The following TMEM178B variants were observed in gnomAD, a reference collection of about 807,000 sequenced individuals.
The protein encoded by TMEM178B is transmembrane protein 178B.
Under a neutral mutation model 31.0 loss-of-function variants are expected in TMEM178B, and 5 were observed. That is an observed-to-expected ratio of 0.16 (90% CI 0.08 to 0.34). TMEM178B has a LOEUF of 0.34. Ranked by LOEUF, TMEM178B falls within the 10% of genes least tolerant of loss-of-function variation. The probability of loss-of-function intolerance (pLI) is 1.00; values close to 1 mark genes in which losing one functional copy is unlikely to be tolerated. For synonymous variants in TMEM178B, 164 were observed against 164.0 expected, an observed-to-expected ratio of 1.00 and a Z score of 0.00; for missense variants, 275 against 400.3, an observed-to-expected ratio of 0.69 and a Z score of 2.67.
chr7:141,171,118 C>T lies in TMEM178B; in HGVS notation c.383-41473C>T, dbSNP rs1469295819. On this transcript the variant is annotated intron_variant, in intron 1 of 3. Coordinates refer to ENST00000565468, the MANE Select transcript of TMEM178B (RefSeq NM_001195278.2). This position sits in a 1 kb window ranked among gnomAD's most constrained non-coding sequence, Gnocchi z 4.3. ...GAAGTGTAACTCTTCACTTTTGAAT[C>T]TTCTAGTCTACTCTTAGCTCTTCAG... is the stretch of plus-strand genomic sequence containing the variant. 6.6e-6 allele frequency among the ~76,000 whole-genome samples: 1 copy of T among 151,762 alleles called. No homozygotes were observed. The highest frequency in any genetic ancestry group is 1.5e-5 in the Non-Finnish European group (1 of 67,978).
chr7:141,477,330 G>A lies in TMEM178B; in HGVS notation c.*6544G>A, dbSNP rs1802391010. 6.5e-6 allele frequency: 1 copy of A among 154,600 alleles called. No homozygotes were observed. The allele number at this position is 154,600 out of a possible 1,614,324, so 9.6% of individuals were successfully genotyped here. On this transcript the variant is annotated 3_prime_UTR_variant, in exon 4 of 4. Transcript: ENST00000565468. ...ATTGAGATTAAACAAATGCAATGAT[G>A]TAGCCCTTAGTTTTCTGAGGACTTC... is the stretch of plus-strand genomic sequence containing the variant.
chr7:141,382,504 T>C (rs2116589448), intron 2 of TMEM178B, among the ~76,000 whole-genome samples: 1 of 152,364 alleles, frequency 6.6e-6, no homozygotes, highest in Admixed American at 6.5e-5. Context: ...TCATAAATTA[T>C]GTTTTCTAAT....
At chr7:141,279,822 C>T (rs555157131) in intron 2 of TMEM178B, among the ~76,000 whole-genome samples, 51 of 152,344 alleles carry the variant, frequency 3.3e-4, no homozygotes, top group Admixed American at 1.6e-3. Context: ...CTGTAGCCAT[C>T]GGTGGATTCC....
intron 2 of TMEM178B, among the ~76,000 whole-genome samples, chr7:141,413,794 A>G (rs1410480352): frequency 6.6e-6 from 1 of 152,180 alleles, no homozygotes; most frequent in East Asian, 1.9e-4. Context: ...TTGTTCTTAA[A>G]TAATGTTTTA....
chr7:141,396,127 G>T (rs1800633211), intron 2 of TMEM178B, among the ~76,000 whole-genome samples: 2 of 152,090 alleles, frequency 1.3e-5, no homozygotes, highest in African/African-American at 4.8e-5. Context: ...GGGGAGGTGG[G>T]GAGCCAGGCA....
intron 2 of TMEM178B, among the ~76,000 whole-genome samples, chr7:141,230,326 C>T (rs766597131): frequency 6.6e-6 from 1 of 152,150 alleles, no homozygotes; most frequent in Non-Finnish European, 1.5e-5. Flanking sequence ...TATAGCCCTA[C>T]CAAATTTTAC....
At chr7:141,220,546 T>C (rs1202462228) in intron 2 of TMEM178B, among the ~76,000 whole-genome samples, 1 of 150,940 alleles carries the variant, frequency 6.6e-6, no homozygotes, top group Non-Finnish European at 1.5e-5. Flanking sequence ...AGGCCTGGAG[T>C]AGGGGTGGGA....
chr7:141,367,523 C>T (rs938721673), intron 2 of TMEM178B, among the ~76,000 whole-genome samples: 1 of 152,158 alleles, frequency 6.6e-6, no homozygotes, highest in African/African-American at 2.4e-5. Context: ...GATCTGCCTG[C>T]CTTGGCCTCC....
intron 1 of TMEM178B, among the ~76,000 whole-genome samples, chr7:141,145,970 A>G (rs1338863542): frequency 2.0e-5 from 3 of 152,206 alleles, no homozygotes; most frequent in Non-Finnish European, 4.4e-5. Context: ...GCTGAAGGGT[A>G]ACTATTTGTT....
intron 1 of TMEM178B, among the ~76,000 whole-genome samples, chr7:141,121,911 T>C (rs1415172276): frequency 6.6e-6 from 1 of 152,182 alleles, no homozygotes; most frequent in Admixed American, 6.5e-5. Flanking sequence ...ACCTGTTCTC[T>C]TCCTTCCAAA....
intron 1 of TMEM178B, among the ~76,000 whole-genome samples, chr7:141,093,592 A>AT (rs1794912697): frequency 6.6e-6 from 1 of 152,206 alleles, no homozygotes; most frequent in Admixed American, 6.5e-5. Flanking sequence ...AGAGGGATTG[A>AT]TTGTAAACTT....
At chr7:141,438,207 C>T (rs576491506) in intron 3 of TMEM178B, among the ~76,000 whole-genome samples, 2 of 152,084 alleles carry the variant, frequency 1.3e-5, no homozygotes, top group South Asian at 2.1e-4. Flanking sequence ...AAGCTGCCCC[C>T]CTTTCAAGTA....
chr7:141,411,178 G>T (rs1800982328), intron 2 of TMEM178B, among the ~76,000 whole-genome samples: 1 of 151,588 alleles, frequency 6.6e-6, no homozygotes, highest in African/African-American at 2.4e-5. Context: ...AAATTAGAAT[G>T]GTGTTCATGA....
chr7:141,126,853 C>G (rs937310119), intron 1 of TMEM178B, among the ~76,000 whole-genome samples: 3 of 141,964 alleles, frequency 2.1e-5, no homozygotes, highest in African/African-American at 8.4e-5. Context: ...GGTATCTTCT[C>G]AAAGTGTGTG....
At chr7:141,109,368 G>A (rs1444689576) in intron 1 of TMEM178B, among the ~76,000 whole-genome samples, 1 of 152,090 alleles carries the variant, frequency 6.6e-6, no homozygotes, top group East Asian at 1.9e-4. Flanking sequence ...GAATATTAGA[G>A]AGAGTAAGCT....
Position 141,136,675 on chromosome 7 carries a change from AAAAAC to A in TMEM178B, c.382+61998_382+62002del, listed in dbSNP as rs750209669. Among the ~76,000 whole-genome samples, 146 of 152,272 alleles carry A rather than the reference AAAAAC, an allele frequency of 9.6e-4. 4 individuals are homozygous for A. The highest frequency in any genetic ancestry group is 9.4e-4 in the African/African-American group (39 of 41,568). On this transcript the variant is annotated intron_variant, in intron 1 of 3. Transcript: ENST00000565468. ...ATAAGGAACTCAAACAACTCAACAG[AAAAAC>A]AAAACAAAACAAAAAGCCCAATCCC...
chr7:141,197,132 T>A (rs899986368), intron 1 of TMEM178B, among the ~76,000 whole-genome samples: 1 of 152,248 alleles, frequency 6.6e-6, no homozygotes, highest in Non-Finnish European at 1.5e-5. Flanking sequence ...AGTATAACAA[T>A]AGCTATAACA....
At chr7:141,497,543 C>A in the TMEM178B span, among the ~76,000 whole-genome samples, 1 of 152,178 alleles carries the variant, frequency 6.6e-6, no homozygotes, top group Admixed American at 6.5e-5. Flanking sequence ...GCTTCGTGGG[C>A]TTTGCATGTC....
chr7:141,174,287 T>C (rs1271646706), intron 1 of TMEM178B, among the ~76,000 whole-genome samples: 9 of 152,234 alleles, frequency 5.9e-5, no homozygotes, highest in African/African-American at 2.2e-4. Flanking sequence ...GCAAAGGACA[T>C]GAACTCATCC....
Sources: gnomAD v4.1 joint callset for allele counts (sites outside exome capture counted in the v4.1 genomes callset) on GRCh38, gnomAD v4.1.1 for gene constraint, Gnocchi (gnomAD v3.1) non-coding constraint, MANE v1.5 for transcripts, NCBI Gene and HGNC (gene_info 2026-07-23, HGNC 2026-07-21) for gene names.